The following UFM1 variants were observed in gnomAD, a reference collection of about 807,000 sequenced individuals.
UFM1 encodes the protein ubiquitin fold modifier 1, also known as ubiquitin-fold modifier 1.
In UFM1, 9 loss-of-function variants were observed where a neutral mutation model predicts 15.4. That is an observed-to-expected ratio of 0.59 (90% CI 0.35 to 1.02). UFM1 has a LOEUF of 1.02. Ranked by LOEUF, UFM1 falls within the 50% of genes least tolerant of loss-of-function variation. The probability of loss-of-function intolerance (pLI) is 0.02; values close to 1 mark genes in which losing one functional copy is unlikely to be tolerated. For missense variants in UFM1, 98 were observed against 104.7 expected, an observed-to-expected ratio of 0.94 and a Z score of 0.28; for synonymous variants, 27 against 36.3, an observed-to-expected ratio of 0.74 and a Z score of 0.92.
At chr13:38,357,820 C>T (rs1270991733) in intron 3 of UFM1, among the ~76,000 whole-genome samples, 2 of 151,794 alleles carry the variant, frequency 1.3e-5, no homozygotes, top group African/African-American at 4.8e-5. Context: ...TGGGAAAGGT[C>T]TTAATCCTTG....
At chr13:38,360,333 C>T (rs1879312698) in intron 5 of UFM1, among the ~76,000 whole-genome samples, 1 of 151,958 alleles carries the variant, frequency 6.6e-6, no homozygotes, top group African/African-American at 2.4e-5. Flanking sequence ...AAAATCTCAT[C>T]AGGCAATTGA....
chr13:38,359,169 T>C, intron 4 of UFM1, 132 bp from the exon 5 acceptor site: 1 of 638,948 alleles, frequency 1.6e-6, no homozygotes, highest in Non-Finnish European at 2.7e-6. Context: ...GTCACTCGTG[T>C]TCTTGGATTT....
chr13:38,359,265 G>A, intron 4 of UFM1, 36 bp from the exon 5 acceptor site: 2 of 1,599,610 alleles, frequency 1.3e-6, no homozygotes, highest in Admixed American at 1.7e-5. Flanking sequence ...TTTAGCTTTA[G>A]AAATAATGTA....
At position 38,349,869 on chromosome 13, in the gene UFM1, G is replaced by T. The variant is rs552116085; in HGVS notation, c.-51G>T. ...GGTCCCCAGCACACTAGAGGAAGTC[G>T]TGCTACCCCCGCGGAGTTGTCGTGT... On this transcript the variant is annotated 5_prime_UTR_variant, in exon 1 of 6. Coordinates refer to ENST00000239878, the MANE Select transcript of UFM1 (RefSeq NM_016617.4). 1.7e-5 allele frequency: 28 copies of T among 1,614,140 alleles called. No individual in the cohort carries two copies. In the Admixed American group the frequency reaches 4.7e-4, roughly 27 times the overall value.
chr13:38,350,861 C>T (rs1286472727), intron 2 of UFM1, among the ~76,000 whole-genome samples: 3 of 152,176 alleles, frequency 2.0e-5, no homozygotes, highest in African/African-American at 7.2e-5. Flanking sequence ...AACCTCTCAG[C>T]CTTTTCCTCC....
At chr13:38,350,407 A>G (rs1296710084) in intron 2 of UFM1, among the ~76,000 whole-genome samples, 3 of 152,188 alleles carry the variant, frequency 2.0e-5, no homozygotes, top group Admixed American at 2.0e-4. Context: ...TCTGCTGGAT[A>G]TTAGAAAAGC....
At chr13:38,353,039 T>G (rs1878930827) in intron 2 of UFM1, among the ~76,000 whole-genome samples, 1 of 152,194 alleles carries the variant, frequency 6.6e-6, no homozygotes, top group South Asian at 2.1e-4. Flanking sequence ...TTTATTTTTT[T>G]CCACCCCCCA....
chr13:38,358,037 TTGTGTGTGTG>T (rs71673975), intron 3 of UFM1, 46 bp from the exon 4 acceptor site: 6 of 490,094 alleles, frequency 1.2e-5, no homozygotes, highest in African/African-American at 6.3e-5. Context: ...TCTTATAGTT[TTGTGTGTGTG>T]TGTGTGTGTG....
chr13:38,360,820 A>G lies in UFM1; in HGVS notation c.*42A>G, dbSNP rs776674752. On this transcript the variant is annotated 3_prime_UTR_variant, in exon 6 of 6. Transcript: ENST00000239878. The stretch of plus-strand genomic sequence containing the variant: ...CATACGATTGCCTTTCAGAATAAAT[A>G]TTGGTATTTTTTGTTGTTGTAAAAT... 12 of 1,515,700 alleles carry G rather than the reference A, an allele frequency of 7.9e-6. No homozygotes were observed. The highest frequency in any genetic ancestry group is 4.7e-4 in the Middle Eastern group (2 of 4,230). 93.9% of individuals were successfully genotyped at this position (1,515,700 alleles called of 1,614,324 possible). A position where few individuals can be genotyped will look rare whatever the true frequency, so the allele number is the denominator to read the frequency against.
chr13:38,351,107 C>T (rs961903637), intron 2 of UFM1, among the ~76,000 whole-genome samples: 1 of 152,178 alleles, frequency 6.6e-6, no homozygotes, highest in Non-Finnish European at 1.5e-5. Context: ...CACTTCTATT[C>T]CTTACCTTAC....
At chr13:38,352,965 A>C (rs1000002318) in intron 2 of UFM1, among the ~76,000 whole-genome samples, 1 of 152,236 alleles carries the variant, frequency 6.6e-6, no homozygotes, top group Non-Finnish European at 1.5e-5. Flanking sequence ...ACTGTTGCCT[A>C]GTTTGTAAAC....
intron 3 of UFM1, among the ~76,000 whole-genome samples, chr13:38,357,713 T>C (rs1879172102): frequency 6.6e-6 from 1 of 151,960 alleles, no homozygotes; most frequent in South Asian, 2.1e-4. Context: ...TTGTTATGTG[T>C]ATTATATACT....
rs1201555312 is a variant in UFM1, at chr13:38,360,694, T to C, written c.191-17T>C. 1.3e-5 allele frequency: 21 copies of C among 1,573,420 alleles called. No homozygotes were observed. Among genetic ancestry groups the C allele is most frequent in the Non-Finnish European group, 1.8e-5 (21 of 1,151,992 alleles). On this transcript the variant is annotated splice_polypyrimidine_tract_variant and intron_variant, in intron 5 of 5. Transcript: ENST00000239878. ...GATTTTTAGATATCTAACTTTATGT[T>C]TTGTTTGTTTGTATAGGAAATGTTT...
intron 4 of UFM1, 71 bp from the exon 5 acceptor site, chr13:38,359,230 T>G: frequency 6.7e-7 from 1 of 1,496,516 alleles, no homozygotes; most frequent in South Asian, 1.2e-5. Context: ...TTGGCAAATC[T>G]CTTTCCTTGC....
At chr13:38,352,564 T>A (rs897136132) in intron 2 of UFM1, among the ~76,000 whole-genome samples, 2 of 152,336 alleles carry the variant, frequency 1.3e-5, no homozygotes, top group Middle Eastern at 3.4e-3. Flanking sequence ...TTAATGTAAA[T>A]TTATTCAAAA....
chr13:38,362,222 T>C lies in UFM1; in HGVS notation c.*1444T>C, dbSNP rs1192965091. 1 of 152,116 alleles carries C rather than the reference T, an allele frequency of 6.6e-6. No individual in the cohort carries two copies. The highest frequency in any genetic ancestry group is 1.5e-5 in the Non-Finnish European group (1 of 68,022). 9.4% of individuals were successfully genotyped at this position (152,116 alleles called of 1,614,324 possible). A position where few individuals can be genotyped will look rare whatever the true frequency, so the allele number is the denominator to read the frequency against. On this transcript the variant is annotated 3_prime_UTR_variant, in exon 6 of 6. Transcript: ENST00000239878. ...TGCTGTAAAGTCTTTCTAAGACCAA[T>C]TATTATCTTAGCATGTTTCAGTATC... is the stretch of plus-strand genomic sequence containing the variant.
At position 38,350,039 on chromosome 13, in the gene UFM1, C is replaced by G; in HGVS notation, c.43C>G (p.Arg15Gly). ...TAAGATCACGCTGACGTCGGACCCA[C>G]GGCTGCCGTACAAAGTGTGAGTAGC... is the stretch of plus-strand genomic sequence containing the variant. ...SFKITLTSDPRLPYKVLSVPE... is the reference protein window; with the variant it reads ...SFKITLTSDPGLPYKVLSVPE... Residue 15 changes from arginine (R) to glycine (G), a missense_variant, in exon 2 of 6, where the codon CGG becomes GGG. Transcript: ENST00000239878. 1 of 1,614,212 alleles carries G rather than the reference C, an allele frequency of 6.2e-7. No individual in the cohort carries two copies. The highest frequency in any genetic ancestry group is 2.2e-5 in the East Asian group (1 of 44,882).
At chr13:38,357,888 G>C (rs1879180946) in intron 3 of UFM1, among the ~76,000 whole-genome samples, 1 of 151,782 alleles carries the variant, frequency 6.6e-6, no homozygotes, top group Admixed American at 6.6e-5. Flanking sequence ...GCTGTCTCAG[G>C]AGTAGCGGAG....
chr13:38,363,532 T>A lies in UFM1; in HGVS notation c.*2754T>A, dbSNP rs1879519070. ...AAAAAAAGTTGAGAAGAAAATGGGGTTATTGTAACTGGCTAGGTTGGTAGG... is the reference window on the plus strand; with the variant it reads ...AAAAAAAGTTGAGAAGAAAATGGGGATATTGTAACTGGCTAGGTTGGTAGG... On this transcript the variant is annotated 3_prime_UTR_variant, in exon 6 of 6. Coordinates refer to ENST00000239878, the MANE Select transcript of UFM1 (RefSeq NM_016617.4). The A allele has an allele frequency of 6.7e-6, 1 of 148,862 alleles. No homozygotes were observed. The highest frequency in any genetic ancestry group is 6.7e-5 in the Admixed American group (1 of 14,958). The allele number at this position is 148,862 out of a possible 1,614,324, so 9.2% of individuals were successfully genotyped here.
Sources: gnomAD v4.1 joint callset for allele counts (sites outside exome capture counted in the v4.1 genomes callset) on GRCh38, gnomAD v4.1.1 for gene constraint, MANE v1.5 for transcripts, NCBI Gene and HGNC (gene_info 2026-07-23, HGNC 2026-07-21) for gene names.